Variants in CACNA2D4 observed in about 807,000 individuals in gnomAD.
CACNA2D4 encodes voltage-dependent calcium channel subunit alpha-2/delta-4.
Under a neutral mutation model 163.8 loss-of-function variants are expected in CACNA2D4, and 157 were observed. The observed-to-expected ratio is 0.96, with a 90% CI of 0.84 to 1.09. The LOEUF (loss-of-function observed/expected upper bound fraction) is 1.09, where lower values mean the gene tolerates loss of function less well. Among genes scored for constraint, CACNA2D4 ranks in the 50% least tolerant of loss-of-function variants. The probability of loss-of-function intolerance (pLI) is 0.00; values close to 1 mark genes in which losing one functional copy is unlikely to be tolerated. For synonymous variants in CACNA2D4, 598 were observed against 586.9 expected (o/e 1.02, Z -0.27); for missense variants, 1,410 against 1,479.9 (o/e 0.95, Z 0.78).
intron 20 of CACNA2D4, among the ~76,000 whole-genome samples, chr12:1,856,670 C>A (rs575290334): frequency 1.3e-5 from 2 of 152,312 alleles, no homozygotes; most frequent in East Asian, 3.9e-4. Context: ...ACTTTGAAAC[C>A]AGTGATTTTG....
intron 26 of CACNA2D4, chr12:1,827,393 C>G (rs1864386264): frequency 6.5e-6 from 1 of 152,914 alleles, no homozygotes; most frequent in Admixed American, 6.5e-5. Flanking sequence ...CCTTGTGTCC[C>G]TGTCTCTTCC....
In CACNA2D4 at chr12:1,869,978, TA is replaced by T. The variant is rs1306046355; in HGVS notation, c.1878+4625del. Among the ~76,000 whole-genome samples the T allele has an allele frequency of 1.3e-5, 2 of 152,250 alleles. No homozygotes were observed. Among genetic ancestry groups the T allele is most frequent in the African/African-American group, 2.4e-5 (1 of 41,470 alleles). On this transcript the variant is annotated intron_variant, in intron 18 of 37. Coordinates refer to ENST00000382722, the MANE Select transcript of CACNA2D4 (RefSeq NM_172364.5). The surrounding 1 kb of genome is among the most constrained non-coding windows in gnomAD (Gnocchi z 4.7). ...AGGTGTTTTTGTATTAAGCAGTAGT[TA>T]AATGATGGGTTGATAAGAACTGAGC...
At chr12:1,907,629 A>G in intron 5 of CACNA2D4, 58 bp from the exon 6 acceptor site, 2 of 1,525,400 alleles carry the variant, frequency 1.3e-6, no homozygotes, top group South Asian at 1.2e-5. Flanking sequence ...AATGGTGATC[A>G]TGCCCGGTGA....
chr12:1,853,871 G>A, intron 23 of CACNA2D4, 80 bp downstream of exon 23: 1 of 1,115,788 alleles, frequency 9.0e-7, no homozygotes, highest in Non-Finnish European at 1.3e-6. Flanking sequence ...CCACCAGCCA[G>A]ATGGTGAGAG....
chr12:1,897,744 T>C (rs1178077771), intron 6 of CACNA2D4, among the ~76,000 whole-genome samples: 2 of 152,202 alleles, frequency 1.3e-5, no homozygotes, highest in Non-Finnish European at 2.9e-5. Context: ...CTGGTGTCAC[T>C]CTATGACTAT....
intron 6 of CACNA2D4, among the ~76,000 whole-genome samples, chr12:1,893,334 G>A (rs1866330506): frequency 6.6e-6 from 1 of 152,016 alleles, no homozygotes; most frequent in Non-Finnish European, 1.5e-5. Context: ...TGGCCAAGAT[G>A]GTGAAACCCC....
At chr12:1,835,052 G>A (rs956654314) in intron 26 of CACNA2D4, 11 of 279,632 alleles carry the variant, frequency 3.9e-5, no homozygotes, top group African/African-American at 2.4e-4. Flanking sequence ...CGCCCTTCCT[G>A]CCCTGGGGTG....
rs1863558283 is a variant in CACNA2D4 at position 1,806,944 on chromosome 12, G to A, written c.2721+3334C>T. ...GGCACTTGTGTGTTTGGGGAAGAGG[G>A]GCAGGTTTGGGTCGGTTGGTGGGAG... On this transcript the variant is annotated intron_variant, in intron 29 of 37. Coordinates refer to ENST00000382722, the MANE Select transcript of CACNA2D4 (RefSeq NM_172364.5). This position sits in a 1 kb window ranked among gnomAD's most constrained non-coding sequence, Gnocchi z 4.1. 1.3e-5 allele frequency among the ~76,000 whole-genome samples: 2 copies of A among 152,222 alleles called. No homozygotes were observed. The highest frequency in any genetic ancestry group is 1.3e-4 in the Admixed American group (2 of 15,296).
intron 18 of CACNA2D4, among the ~76,000 whole-genome samples, chr12:1,862,679 T>C (rs775514914): frequency 1.3e-5 from 2 of 152,180 alleles, no homozygotes; most frequent in Non-Finnish European, 2.9e-5. Context: ...TCCCGAAGTG[T>C]TGGGATTAGA....
chr12:1,816,273 G>A (rs1349245119), intron 26 of CACNA2D4, among the ~76,000 whole-genome samples: 1 of 152,196 alleles, frequency 6.6e-6, no homozygotes, highest in Non-Finnish European at 1.5e-5. Context: ...CAGGCAAAGG[G>A]CCCGAGGGAA....
rs532703773 is a variant in CACNA2D4, at chr12:1,856,842, C to T, written c.2009-613G>A. Among the ~76,000 whole-genome samples, 4 of 152,252 alleles carry T rather than the reference C, an allele frequency of 2.6e-5. No individual in the cohort carries two copies. The East Asian group carries it at 7.7e-4, about 29-fold the overall frequency. On this transcript the variant is annotated intron_variant, in intron 20 of 37. Transcript: ENST00000382722. Reference sequence around the variant, plus strand: ...CAGAGCTAAGAAATGAACAGGTGCTCCACTGAGGGTAAGTCCAAGGAGGGG... The same window carrying T: ...CAGAGCTAAGAAATGAACAGGTGCTTCACTGAGGGTAAGTCCAAGGAGGGG...
In CACNA2D4 at chr12:1,795,356, C is replaced by G. The variant is rs1216571550; in HGVS notation, c.3252G>C (p.Arg1084=). ...GCCGGCGGAGCTTCTGGGAGCGCAT[C>G]CGGTCACATTTGACAGAGGCATTAT... is the stretch of plus-strand genomic sequence containing the variant. ...VKYNASVKCD[R]MRSQKLRRRP... is the part of the protein sequence containing the mutation. Residue 1084 remains arginine (R), a synonymous_variant, in exon 37 of 38, where the codon CGG becomes CGC. Transcript: ENST00000382722. 3 of 1,612,288 alleles carry G rather than the reference C, an allele frequency of 1.9e-6. No individual in the cohort carries two copies. The highest frequency in any genetic ancestry group is 1.7e-5 in the Admixed American group (1 of 60,000).
chr12:1,853,248 G>A (rs1455822207), intron 23 of CACNA2D4, among the ~76,000 whole-genome samples: 1 of 152,152 alleles, frequency 6.6e-6, no homozygotes. Context: ...AGAAAAGGTA[G>A]CGTACTATAC....
intron 23 of CACNA2D4, among the ~76,000 whole-genome samples, chr12:1,852,997 G>C (rs2154448236): frequency 6.6e-6 from 1 of 152,250 alleles, no homozygotes; most frequent in South Asian, 2.1e-4. Context: ...ACAGTGCCTG[G>C]CCCACTAGAT....
intron 29 of CACNA2D4, among the ~76,000 whole-genome samples, chr12:1,807,900 T>C (rs1028053520): frequency 3.3e-5 from 5 of 152,104 alleles, no homozygotes; most frequent in Admixed American, 6.5e-5. Flanking sequence ...CTTCATTTCA[T>C]GGAGGGTTTG....
chr12:1,871,634 CGT>C (rs756311934), intron 18 of CACNA2D4, among the ~76,000 whole-genome samples: 22 of 132,472 alleles, frequency 1.7e-4, no homozygotes, highest in African/African-American at 5.3e-4. Flanking sequence ...TGTGTACACG[CGT>C]GTTACTGGTG....
chr12:1,883,692 C>T lies in CACNA2D4; in HGVS notation c.1351+551G>A, dbSNP rs990733332. ...CGCCCCACTGACTTGGAGAGTGCCT[C>T]CCCCATGGCCCCCGGCACCCTGAAC... On this transcript the variant is annotated intron_variant, in intron 12 of 37. Coordinates refer to ENST00000382722, the MANE Select transcript of CACNA2D4 (RefSeq NM_172364.5). The surrounding 1 kb of genome is among the most constrained non-coding windows in gnomAD (Gnocchi z 4.5). Among the ~76,000 whole-genome samples, 1 of 152,134 alleles carries T rather than the reference C, an allele frequency of 6.6e-6. No homozygotes were observed. Among genetic ancestry groups the T allele is most frequent in the African/African-American group, 2.4e-5 (1 of 41,420 alleles).
At chr12:1,818,720 T>C (rs1365222552) in intron 26 of CACNA2D4, among the ~76,000 whole-genome samples, 2 of 144,920 alleles carry the variant, frequency 1.4e-5, no homozygotes, top group Non-Finnish European at 3.0e-5. Context: ...TATTGTCCTA[T>C]GACCCTGCCA....
In CACNA2D4 at chr12:1,883,788, C is replaced by T. The variant is rs1307936466; in HGVS notation, c.1351+455G>A. ...GGGTGGTGTTTTACTTGTATGTCTC[C>T]CTGCTGGACAATACTGAGAGGTAGA... On this transcript the variant is annotated intron_variant, in intron 12 of 37. Transcript: ENST00000382722. The surrounding 1 kb of genome is among the most constrained non-coding windows in gnomAD (Gnocchi z 4.5). Among the ~76,000 whole-genome samples the T allele has an allele frequency of 1.3e-5, 2 of 152,166 alleles. No homozygotes were observed. Among genetic ancestry groups the T allele is most frequent in the African/African-American group, 4.8e-5 (2 of 41,426 alleles).
Sources: allele counts gnomAD v4.1 joint callset (sites outside exome capture counted in the v4.1 genomes callset), GRCh38; gene constraint gnomAD v4.1.1; non-coding constraint Gnocchi (gnomAD v3.1); transcripts MANE v1.5; gene names NCBI Gene and HGNC (gene_info 2026-07-23, HGNC 2026-07-21).